The following FN1 variants were observed in gnomAD, a reference collection of about 807,000 sequenced individuals.
The protein encoded by FN1 is fibronectin.
FN1 carries 106 observed loss-of-function variants against 297.3 expected under a neutral mutation model. The ratio of observed to expected loss-of-function variants is 0.36; its 90% CI spans 0.30 to 0.42. FN1 has a LOEUF of 0.42. Among genes scored for constraint, FN1 ranks in the 10% least tolerant of loss-of-function variants. The pLI, the probability that FN1 is intolerant of heterozygous loss-of-function variation, is 1.00. For missense variants in FN1, 2,690 were observed against 3,124.9 expected, an observed-to-expected ratio of 0.86 and a Z score of 3.32; for synonymous variants, 1,149 against 1,152.6, an observed-to-expected ratio of 1.00 and a Z score of 0.06.
intron 13 of FN1, among the ~76,000 whole-genome samples, chr2:215,412,080 G>C (rs1024214741): frequency 6.6e-6 from 1 of 152,130 alleles, no homozygotes; most frequent in African/African-American, 2.4e-5. Flanking sequence ...GAAGATGAGA[G>C]ACTAGAAGAT....
At chr2:215,398,631 A>G (rs1289287730) in intron 21 of FN1, among the ~76,000 whole-genome samples, 1 of 152,238 alleles carries the variant, frequency 6.6e-6, no homozygotes, top group African/African-American at 2.4e-5. Context: ...GGATTGAGTC[A>G]TGATTTCCAG....
chr2:215,431,935 T>C lies in FN1; in HGVS notation c.445A>G (p.Lys149Glu). 1.9e-6 allele frequency: 3 copies of C among 1,614,154 alleles called. No individual in the cohort carries two copies. Among genetic ancestry groups the C allele is most frequent in the Non-Finnish European group, 2.5e-6 (3 of 1,180,010 alleles). ...NRCHEGGQSY[K>E]IGDTWRRPHE... ...GGTCTCCTCCAGGTGTCACCAATCT[T>C]GTAGGACTGACCCCCTTCATGGCAG... Residue 149 changes from lysine to glutamate, a missense_variant, in exon 4 of 46, where the codon AAG becomes GAG. Coordinates refer to ENST00000354785, the MANE Select transcript of FN1 (RefSeq NM_212482.4).
At position 215,386,793 on chromosome 2, in the gene FN1, G is replaced by A. The variant is rs748907647; in HGVS notation, c.4508C>T (p.Ser1503Phe). The stretch of plus-strand genomic sequence containing the variant: ...TGGAGTGAGGTTGGTGAGGGTGATG[G>A]AATTCCGAGAGTGGGGCACCCGATC... ...REDRVPHSRN[S>F]ITLTNLTPGT... is the part of the protein sequence containing the mutation. The change falls in exon 28 of 46, where the codon TCC (serine) becomes TTC (phenylalanine). Residue 1503 changes from serine to phenylalanine, a missense_variant. Physicochemically the swap from Ser to Phe is radical, Grantham distance 155. Transcript: ENST00000354785. 6.8e-6 allele frequency: 11 copies of A among 1,613,898 alleles called. No individual in the cohort carries two copies. The highest frequency in any genetic ancestry group is 4.4e-5 in the South Asian group (4 of 91,062).
intron 5 of FN1, 113 bp downstream of exon 5, chr2:215,430,602 C>T: frequency 2.4e-6 from 3 of 1,274,022 alleles, no homozygotes; most frequent in Non-Finnish European, 3.4e-6. Flanking sequence ...CAGAAGTTAC[C>T]AAAGCATGCT....
intron 45 of FN1, 103 bp from the exon 46 acceptor site, chr2:215,361,729 T>C: frequency 9.7e-7 from 1 of 1,028,104 alleles, no homozygotes; most frequent in South Asian, 1.3e-5. Flanking sequence ...TGCTTATAGA[T>C]AGGATAATAT....
At chr2:215,386,568 ATTTTTTTTTTTTTT>A (rs5838504) in intron 28 of FN1, 107 bp downstream of exon 28, 2 of 335,248 alleles carry the variant, frequency 6.0e-6, no homozygotes, top group Non-Finnish European at 1.0e-5. Context: ...ACAATGATCT[ATTTTTTTTTTTTTT>A]TTTTTTTTTT....
At chr2:215,371,489 C>G (rs1332414709) in intron 40 of FN1, among the ~76,000 whole-genome samples, 1 of 151,010 alleles carries the variant, frequency 6.6e-6, no homozygotes, top group African/African-American at 2.4e-5. Flanking sequence ...CTAGAATCAT[C>G]TATCTTACTC....
chr2:215,368,106 G>T (rs533268353), intron 41 of FN1, 79 bp from the exon 42 acceptor site: 1 of 1,405,202 alleles, frequency 7.1e-7, no homozygotes, highest in Admixed American at 1.8e-5. Flanking sequence ...TCGAATGACT[G>T]TATACAATGA....
rs190493844 is a variant in FN1 at position 215,426,388 on chromosome 2, T to C, written c.845-1103A>G. 5.1e-3 allele frequency among the ~76,000 whole-genome samples: 780 copies of C among 152,230 alleles called. 4 individuals carry two copies. The highest frequency in any genetic ancestry group is 8.0e-3 in the Non-Finnish European group (547 of 67,992). On this transcript the variant is annotated intron_variant, in intron 6 of 45. Coordinates refer to ENST00000354785, the MANE Select transcript of FN1 (RefSeq NM_212482.4). ...TGGTCTCGATCTCCTGACCTTGTGA[T>C]CCACCCGCCTTGGCCTCCCAAAGTG...
At position 215,406,787 on chromosome 2, in the gene FN1, A is replaced by T. The variant is rs10188325; in HGVS notation, c.2714-277T>A. Among the ~76,000 whole-genome samples the T allele has an allele frequency of 0.36, 54,250 of 151,942 alleles. 10,091 individuals carry two copies. The highest frequency in any genetic ancestry group is 0.48 in the South Asian group (2,291 of 4,786). On this transcript the variant is annotated intron_variant, in intron 18 of 45. Coordinates refer to ENST00000354785, the MANE Select transcript of FN1 (RefSeq NM_212482.4). ...GGGTTATAAGAAAAGATACTAAAAA[A>T]TTTTTTAGAAAAAGCCTTTGAAATA...
At chr2:215,409,219 T>G (rs1317135089) in intron 15 of FN1, among the ~76,000 whole-genome samples, 1 of 152,138 alleles carries the variant, frequency 6.6e-6, no homozygotes, top group East Asian at 1.9e-4. Flanking sequence ...CATAACAATT[T>G]GAAAAGTATG....
chr2:215,363,211 T>A (rs543867006), intron 44 of FN1: 1 of 152,142 alleles, frequency 6.6e-6, no homozygotes, highest in South Asian at 2.1e-4. Context: ...CACTTGAGAA[T>A]AGAATAAGTG....
chr2:215,398,406 T>C (rs1052121325), intron 21 of FN1, among the ~76,000 whole-genome samples: 2 of 152,216 alleles, frequency 1.3e-5, no homozygotes, highest in Admixed American at 1.3e-4. Flanking sequence ...AAGATTCTAT[T>C]TCAAAAACTT....
Position 215,399,334 on chromosome 2 carries a change from T to C in FN1, c.3271A>G (p.Ile1091Val), listed in dbSNP as rs80101897. 30 of 1,613,342 alleles carry C rather than the reference T, an allele frequency of 1.9e-5. 1 individual carries two copies. In the African/African-American group the frequency reaches 2.0e-4, roughly 11 times the overall value. ...VFTTLQPGSS[I>V]PPYNTEVTET... ...GTCACCTCGGTGTTGTAAGGTGGAA[T>C]AGAGCTCCCAGGCTGCACTGTGAGA... Residue 1091 changes from isoleucine to valine, a missense_variant, in exon 21 of 46, where the codon ATT becomes GTT. Physicochemically the swap from Ile to Val is conservative, Grantham distance 29 (BLOSUM62 3). Coordinates refer to ENST00000354785, the MANE Select transcript of FN1 (RefSeq NM_212482.4).
intron 22 of FN1, 87 bp from the exon 23 acceptor site, chr2:215,397,310 TC>T (rs1215165229): frequency 1.1e-6 from 1 of 932,910 alleles, no homozygotes; most frequent in Non-Finnish European, 1.8e-6. Flanking sequence ...CTCCCTCTCT[TC>T]CATGCTTCTT....
rs192772008 is a variant in FN1 at position 215,386,137 on chromosome 2, G to T, written c.4612+552C>A. On this transcript the variant is annotated intron_variant, in intron 28 of 45. Coordinates refer to ENST00000354785, the MANE Select transcript of FN1 (RefSeq NM_212482.4). ...CTGTCACCCAGGTTGGAGTGCAATG[G>T]CCTGATCTCAGCTCACTGCAACCTT... 9.2e-4 allele frequency among the ~76,000 whole-genome samples: 130 copies of T among 141,942 alleles called. No homozygotes were observed. In the East Asian group the frequency reaches 0.024, roughly 26 times the overall value. The allele number at this position is 141,942 out of a possible 152,430, so 93.1% of individuals were successfully genotyped here. A position where few individuals can be genotyped will look rare whatever the true frequency, so the allele number is the denominator to read the frequency against.
Position 215,388,235 on chromosome 2 carries a change from G to T in FN1, c.4319C>A (p.Pro1440His). 1.2e-6 allele frequency: 2 copies of T among 1,613,762 alleles called. No individual in the cohort carries two copies. The highest frequency in any genetic ancestry group is 1.7e-6 in the Non-Finnish European group (2 of 1,179,692). ...SSVYEQHEST[P>H]LRGRQKTGLD... The stretch of plus-strand genomic sequence containing the variant: ...ACCTGTTTTCTGTCTTCCTCTAAGA[G>T]GTGTGCTCTCATGTTGTTCGTAGAC... The change falls in exon 27 of 46, where the codon CCT becomes CAT. Residue 1440 changes from proline (P) to histidine (H), a missense_variant. This residue lies in a region of FN1 where 1,743 missense variants were observed against 1,945.2 expected (regional missense o/e 0.90). Transcript: ENST00000354785.
intron 43 of FN1, 55 bp downstream of exon 43, chr2:215,365,450 A>G: frequency 6.4e-7 from 1 of 1,574,724 alleles, no homozygotes; most frequent in Non-Finnish European, 8.7e-7. Flanking sequence ...TTACAGCCTG[A>G]TAATGAAAGT....
Position 215,397,233 on chromosome 2 carries a change from A to G in FN1, c.3518-10T>C. 6.2e-7 allele frequency: 1 copy of G among 1,603,246 alleles called. No homozygotes were observed. Among genetic ancestry groups the G allele is most frequent in the Non-Finnish European group, 8.5e-7 (1 of 1,170,126 alleles). ...GTTGGTGGAGACAATGCTATGCAGA[A>G]AGAACATTTTAAAAGTCAAAGCTGA... On this transcript the variant is annotated splice_polypyrimidine_tract_variant and intron_variant, in intron 22 of 45. Transcript: ENST00000354785.
Sources: gnomAD v4.1 joint callset for allele counts (sites outside exome capture counted in the v4.1 genomes callset) on GRCh38, gnomAD v4.1.1 for gene constraint, gnomAD v4.1.1 regional missense constraint, MANE v1.5 for transcripts, NCBI Gene and HGNC (gene_info 2026-07-23, HGNC 2026-07-21) for gene names.